Variants in PHF24 observed in about 807,000 individuals in gnomAD.
The protein encoded by PHF24 is PHD finger protein 24.
PHF24 carries 25 observed loss-of-function variants against 42.6 expected under a neutral mutation model. That is an observed-to-expected ratio of 0.59 (90% CI 0.43 to 0.82). The LOEUF (loss-of-function observed/expected upper bound fraction) is 0.82, where lower values mean the gene tolerates loss of function less well. Ranked by LOEUF, PHF24 falls within the 40% of genes least tolerant of loss-of-function variation. The pLI, the probability that PHF24 is intolerant of heterozygous loss-of-function variation, is 0.00. For missense variants in PHF24, 470 were observed against 538.1 expected, an observed-to-expected ratio of 0.87 and a Z score of 1.25; for synonymous variants, 185 against 204.8, an observed-to-expected ratio of 0.90 and a Z score of 0.83.
the PHF24 span, among the ~76,000 whole-genome samples, chr9:34,740,499 C>T: frequency 2.0e-5 from 3 of 152,218 alleles, no homozygotes; most frequent in Admixed American, 6.5e-5. Context: ...CCTCATTGCC[C>T]GGGGCCGGCA....
At chr9:34,899,693 C>G in the PHF24 span, among the ~76,000 whole-genome samples, 1 of 152,200 alleles carries the variant, frequency 6.6e-6, no homozygotes, top group African/African-American at 2.4e-5. Flanking sequence ...CAGCGGATTA[C>G]TACCCAATGC....
intron 1 of PHF24, among the ~76,000 whole-genome samples, chr9:34,959,443 A>G (rs1410184861): frequency 6.6e-6 from 1 of 152,232 alleles, no homozygotes; most frequent in African/African-American, 2.4e-5. Flanking sequence ...AAGCTGATGA[A>G]AAACATAATC....
At chr9:34,689,627 C>A in the PHF24 span, 2 of 641,880 alleles carry the variant, frequency 3.1e-6, no homozygotes, top group South Asian at 1.9e-5. The surrounding 1 kb of genome is among the most constrained non-coding windows in gnomAD (Gnocchi z 4.1). Context: ...GGTGGAGCAG[C>A]TTTACTCTGA....
At chr9:34,921,902 C>T in the PHF24 span, among the ~76,000 whole-genome samples, 1 of 152,262 alleles carries the variant, frequency 6.6e-6, no homozygotes, top group East Asian at 1.9e-4. Flanking sequence ...CCTTGTAAAG[C>T]CACAATGTAC....
chr9:34,911,020 C>T, the PHF24 span, among the ~76,000 whole-genome samples: 1 of 152,000 alleles, frequency 6.6e-6, no homozygotes, highest in African/African-American at 2.4e-5. Flanking sequence ...GACGAGATCT[C>T]ATTATGTTGC....
At chr9:34,852,338 G>T in the PHF24 span, among the ~76,000 whole-genome samples, 2 of 152,138 alleles carry the variant, frequency 1.3e-5, no homozygotes, top group Admixed American at 6.5e-5. Flanking sequence ...CAACTGCATG[G>T]GGGGGTCAGT....
At chr9:34,765,634 T>C in the PHF24 span, among the ~76,000 whole-genome samples, 1 of 149,032 alleles carries the variant, frequency 6.7e-6, no homozygotes, top group African/African-American at 2.4e-5. Flanking sequence ...AGCACACTGA[T>C]GGGTCTTGAC....
At chr9:34,968,529 TCTTTC>T (rs1178135434) in intron 1 of PHF24, among the ~76,000 whole-genome samples, 2 of 152,204 alleles carry the variant, frequency 1.3e-5, no homozygotes, top group Non-Finnish European at 2.9e-5. Context: ...GGGAGGTGGT[TCTTTC>T]CTTTCCTATC....
the PHF24 span, chr9:34,723,425 C>T: frequency 2.6e-6 from 4 of 1,551,752 alleles, no homozygotes; most frequent in Non-Finnish European, 3.5e-6. Flanking sequence ...GGCCTTGGAG[C>T]ACCCTGTCGG....
At chr9:34,728,869 A>T in the PHF24 span, among the ~76,000 whole-genome samples, 2 of 152,158 alleles carry the variant, frequency 1.3e-5, no homozygotes, top group South Asian at 4.1e-4. Context: ...TCCAAATTCT[A>T]TACCTCCCAT....
the PHF24 span, among the ~76,000 whole-genome samples, chr9:34,848,751 T>A: frequency 1.3e-5 from 2 of 152,038 alleles, no homozygotes; most frequent in African/African-American, 4.8e-5. Flanking sequence ...GCTATAAATT[T>A]CCCTCTACAC....
the PHF24 span, among the ~76,000 whole-genome samples, chr9:34,708,829 C>T: frequency 6.6e-6 from 1 of 152,230 alleles, no homozygotes; most frequent in Non-Finnish European, 1.5e-5. Flanking sequence ...GGGTCCTACC[C>T]TGTCCTTCAG....
chr9:34,738,698 A>G, the PHF24 span, among the ~76,000 whole-genome samples: 1 of 152,202 alleles, frequency 6.6e-6, no homozygotes, highest in Admixed American at 6.5e-5. Flanking sequence ...GACTAAGAAC[A>G]TACGGGGAAA....
the PHF24 span, among the ~76,000 whole-genome samples, chr9:34,668,630 A>G: frequency 6.6e-6 from 1 of 152,332 alleles, no homozygotes; most frequent in Admixed American, 6.5e-5. Flanking sequence ...CAAGCTGGGA[A>G]TTGTGTCAGG....
the PHF24 span, among the ~76,000 whole-genome samples, chr9:34,785,387 A>G: frequency 6.6e-6 from 1 of 152,226 alleles, no homozygotes; most frequent in Non-Finnish European, 1.5e-5. Context: ...AACGGGGATT[A>G]AGTTGCAACA....
intron 1 of PHF24, among the ~76,000 whole-genome samples, chr9:34,968,467 T>C (rs909786343): frequency 1.3e-5 from 2 of 152,264 alleles, no homozygotes; most frequent in African/African-American, 4.8e-5. Context: ...TTAAAGTCAA[T>C]GTTCCTTCGT....
the PHF24 span, among the ~76,000 whole-genome samples, chr9:34,933,895 C>A: frequency 6.6e-6 from 1 of 151,548 alleles, no homozygotes; most frequent in Non-Finnish European, 1.5e-5. Context: ...CAGGTGGGTG[C>A]CACCACACCT....
chr9:34,697,842 G>C, the PHF24 span, among the ~76,000 whole-genome samples: 1 of 152,178 alleles, frequency 6.6e-6, no homozygotes, highest in African/African-American at 2.4e-5. Context: ...TCTTTAATAG[G>C]CTAGACATGA....
At chr9:34,728,708 T>G in the PHF24 span, 1 of 1,499,296 alleles carries the variant, frequency 6.7e-7, no homozygotes, top group Non-Finnish European at 9.1e-7. Context: ...TTCTTTCTCA[T>G]GTCCAAAATG....
Sources: allele counts gnomAD v4.1 joint callset (sites outside exome capture counted in the v4.1 genomes callset), GRCh38; gene constraint gnomAD v4.1.1; non-coding constraint Gnocchi (gnomAD v3.1); transcripts MANE v1.5; gene names NCBI Gene and HGNC (gene_info 2026-07-23, HGNC 2026-07-21).